The following DMD variants were observed in gnomAD, a reference collection of about 807,000 sequenced individuals.
DMD encodes dystrophin, also known as mutant dystrophin.
A neutral mutation model predicts 330.1 loss-of-function variants in DMD; 63 were observed. That is an observed-to-expected ratio of 0.19 (90% CI 0.16 to 0.24). The LOEUF is 0.24. DMD is among the 10% of genes least tolerant of loss of function. The pLI is 1.00. For synonymous variants in DMD, 1,223 were observed against 959.8 expected, an observed-to-expected ratio of 1.27 and a Z score of -5.07; for missense variants, 3,344 against 2,684.1, an observed-to-expected ratio of 1.25 and a Z score of -5.43.
At chrX:32,644,349 C>T in intron 10 of DMD, 36 bp from the exon 11 acceptor site, 5 of 1,186,408 alleles carry the variant, frequency 4.2e-6, no homozygotes, top group Non-Finnish European at 5.7e-6. Context: ...GTAATTAGAA[C>T]TCTAGGTAAA....
intron 7 of DMD, among the ~76,000 whole-genome samples, chrX:32,800,716 C>T (rs1416958375): frequency 9.1e-6 from 1 of 110,276 alleles, no homozygotes; most frequent in Admixed American, 9.8e-5. Context: ...CCCACACACC[C>T]CAAAAGGCCC....
intron 2 of DMD, among the ~76,000 whole-genome samples, chrX:32,867,101 G>C (rs1396077658): frequency 9.1e-6 from 1 of 109,748 alleles, no homozygotes; most frequent in African/African-American, 3.3e-5. Flanking sequence ...TGTAGCCACT[G>C]TATTGTAAAT....
intron 60 of DMD, among the ~76,000 whole-genome samples, chrX:31,369,846 A>T (rs189988032): frequency 8.9e-6 from 1 of 111,870 alleles, no homozygotes; most frequent in East Asian, 2.8e-4. Flanking sequence ...TTTATATAAA[A>T]ATCAAATGGA....
At chrX:31,301,182 A>C (rs2054612797) in intron 62 of DMD, among the ~76,000 whole-genome samples, 1 of 111,731 alleles carries the variant, frequency 9.0e-6, no homozygotes, top group African/African-American at 3.3e-5. Context: ...CTTCACAAGG[A>C]GGATGCGAAG....
chrX:32,725,303 A>G (rs1252777374), intron 7 of DMD, among the ~76,000 whole-genome samples: 2 of 111,033 alleles, frequency 1.8e-5, no homozygotes, highest in Non-Finnish European at 3.8e-5. Flanking sequence ...TCACTTATGA[A>G]ATTTTATCTA....
intron 52 of DMD, among the ~76,000 whole-genome samples, chrX:31,688,854 A>G (rs1244816581): frequency 2.7e-5 from 3 of 111,863 alleles, no homozygotes; most frequent in African/African-American, 6.5e-5. Flanking sequence ...TATAAACAGA[A>G]CCAACGACAA....
intron 4 of DMD, among the ~76,000 whole-genome samples, chrX:32,839,082 G>T (rs774427711): frequency 9.0e-6 from 1 of 111,102 alleles, no homozygotes; most frequent in Admixed American, 9.6e-5. Flanking sequence ...TGTTTTTTTA[G>T]TCATTGTCAT....
chrX:32,777,277 T>TGGGGGGGGAGGGGGTTGGG lies in DMD; in HGVS notation c.649+32215_649+32216insCCCAACCCCCTCCCCCCCC, dbSNP rs1557019889. 5.7e-3 allele frequency among the ~76,000 whole-genome samples: 12 copies of TGGGGGGGGAGGGGGTTGGG among 2,111 alleles called. 4 individuals carry two copies. Among genetic ancestry groups the TGGGGGGGGAGGGGGTTGGG allele is most frequent in the Admixed American group, 0.011 (2 of 182 alleles). The allele number at this position is 2,111 out of a possible 115,157, so 1.8% of individuals were successfully genotyped here. ...CTAGTTTTTAAGTTTGGTTTCTGGT[T>TGGGGGGGGAGGGGGTTGGG]GGGGGGGGAATCCTACCAAGCTAGG... is the stretch of plus-strand genomic sequence containing the variant. On this transcript the variant is annotated intron_variant, in intron 7 of 78. Transcript: ENST00000357033.
At chrX:32,721,446 C>G in intron 7 of DMD, among the ~76,000 whole-genome samples, 1 of 109,385 alleles carries the variant, frequency 9.1e-6, no homozygotes, top group Non-Finnish European at 1.9e-5. Flanking sequence ...TTTGCATTTC[C>G]CTAATAGTGA....
chrX:33,221,351 G>A (rs1181583705), intron 1 of DMD, among the ~76,000 whole-genome samples: 2 of 111,071 alleles, frequency 1.8e-5, no homozygotes, highest in Non-Finnish European at 3.8e-5. Context: ...GTACCTAATA[G>A]CAAGACCAGG....
chrX:32,118,785 G>C (rs1398375470), intron 44 of DMD, among the ~76,000 whole-genome samples: 1 of 109,786 alleles, frequency 9.1e-6, no homozygotes, highest in Non-Finnish European at 1.9e-5. Flanking sequence ...GGGTGGGGTT[G>C]TGGGGAGAGG....
At chrX:31,656,118 T>C (rs1382041310) in intron 54 of DMD, among the ~76,000 whole-genome samples, 2 of 112,022 alleles carry the variant, frequency 1.8e-5, no homozygotes, top group Non-Finnish European at 3.8e-5. Flanking sequence ...AAAGAGTACA[T>C]GTGAAGTGAG....
intron 55 of DMD, among the ~76,000 whole-genome samples, chrX:31,559,640 C>CAAAAAAAAAAAAAAAAAAAAAAAAAAAAA (rs1167550498): frequency 4.6e-5 from 1 of 21,638 alleles, no homozygotes; most frequent in Non-Finnish European, 1.0e-4. Flanking sequence ...AACTCCGTCT[C>CAAAAAAAAAAAAAAAAAAAAAAAAAAAAA]AAAAAAAAAA....
At chrX:31,899,444 C>A (rs998648683) in intron 47 of DMD, among the ~76,000 whole-genome samples, 2 of 108,413 alleles carry the variant, frequency 1.8e-5, no homozygotes, top group Non-Finnish European at 3.8e-5. Context: ...AAATCTCATT[C>A]GTAAGACTGA....
intron 7 of DMD, among the ~76,000 whole-genome samples, chrX:32,763,151 C>T (rs781770787): frequency 9.0e-6 from 1 of 111,541 alleles, no homozygotes; most frequent in African/African-American, 3.3e-5. Flanking sequence ...AGAAATGACT[C>T]TTGACATCTT....
chrX:33,313,435 A>G (rs2053880068), intron 1 of DMD, among the ~76,000 whole-genome samples: 1 of 111,828 alleles, frequency 8.9e-6, no homozygotes, highest in Non-Finnish European at 1.9e-5. Context: ...TTGTACGTCG[A>G]GATTATAATA....
At chrX:31,971,789 T>A (rs1003581956) in intron 44 of DMD, among the ~76,000 whole-genome samples, 14 of 112,165 alleles carry the variant, frequency 1.2e-4, no homozygotes, top group African/African-American at 4.2e-4. Context: ...ATATTTTAAG[T>A]ACTGAATTAT....
intron 44 of DMD, among the ~76,000 whole-genome samples, chrX:32,054,550 G>A (rs2096150851): frequency 9.2e-6 from 1 of 109,012 alleles, no homozygotes; most frequent in South Asian, 4.0e-4. Context: ...TAATTGACCT[G>A]TGCACATTAT....
intron 1 of DMD, among the ~76,000 whole-genome samples, chrX:33,313,357 T>A (rs1218503046): frequency 1.8e-5 from 2 of 111,808 alleles, no homozygotes; most frequent in Non-Finnish European, 3.8e-5. Context: ...ATTACAGACA[T>A]GTGTATTGTT....
Sources: gnomAD v4.1 joint callset for allele counts (sites outside exome capture counted in the v4.1 genomes callset) on GRCh38, gnomAD v4.1.1 for gene constraint, MANE v1.5 for transcripts, NCBI Gene and HGNC (gene_info 2026-07-23, HGNC 2026-07-21) for gene names.